The following PALM2AKAP2 variants were observed in gnomAD, a reference collection of about 807,000 sequenced individuals.
The protein encoded by PALM2AKAP2 is PALM2-AKAP2 fusion protein.
In PALM2AKAP2, 37 loss-of-function variants were observed where a neutral mutation model predicts 71.5. The observed-to-expected ratio is 0.52, with a 90% CI of 0.40 to 0.68. The LOEUF is 0.68. Ranked by LOEUF, PALM2AKAP2 falls within the 30% of genes least tolerant of loss-of-function variation. The probability of loss-of-function intolerance (pLI) is 0.00; values close to 1 mark genes in which losing one functional copy is unlikely to be tolerated. For missense variants in PALM2AKAP2, 1,224 were observed against 1,191.8 expected (o/e 1.03, Z -0.40); for synonymous variants, 468 against 478.8 (o/e 0.98, Z 0.29).
chr9:109,680,788 C>T (rs143247477), intron 1 of PALM2AKAP2, among the ~76,000 whole-genome samples: 5 of 152,160 alleles, frequency 3.3e-5, no homozygotes, highest in South Asian at 4.1e-4. Context: ...CTGTGGTTTC[C>T]GTTGGTGACA....
chr9:109,892,507 T>C (rs1830111233), intron 3 of PALM2AKAP2, among the ~76,000 whole-genome samples: 1 of 152,240 alleles, frequency 6.6e-6, no homozygotes, highest in Admixed American at 6.5e-5. Context: ...CAGTGTACTA[T>C]ATCTGAGTGC....
intron 1 of PALM2AKAP2, among the ~76,000 whole-genome samples, chr9:109,656,283 G>T (rs1242888550): frequency 2.6e-5 from 4 of 152,186 alleles, no homozygotes; most frequent in Non-Finnish European, 4.4e-5. Context: ...TGCTGGGGGA[G>T]AAGAGGTCAG....
chr9:109,686,032 G>A (rs772458194), intron 1 of PALM2AKAP2, among the ~76,000 whole-genome samples: 4 of 152,164 alleles, frequency 2.6e-5, no homozygotes, highest in Admixed American at 1.3e-4. Flanking sequence ...TTTGTAAGAA[G>A]CAACTCTCTG....
At chr9:110,135,268 C>T (rs1835833947) in intron 1 of PALM2AKAP2, among the ~76,000 whole-genome samples, 1 of 116,014 alleles carries the variant, frequency 8.6e-6, no homozygotes. Flanking sequence ...ACACTGCACT[C>T]CAGCCTGGGC....
At chr9:109,968,295 T>G (rs1831995498) in intron 6 of PALM2AKAP2, among the ~76,000 whole-genome samples, 1 of 152,208 alleles carries the variant, frequency 6.6e-6, no homozygotes, top group Admixed American at 6.5e-5. Context: ...GTGGAAGGCC[T>G]GGATCTGCTG....
chr9:109,656,602 G>A (rs1365030468), intron 1 of PALM2AKAP2, among the ~76,000 whole-genome samples: 2 of 152,158 alleles, frequency 1.3e-5, no homozygotes, highest in African/African-American at 2.4e-5. Flanking sequence ...TTTAAGCAGA[G>A]GAGTTACACA....
intron 3 of PALM2AKAP2, among the ~76,000 whole-genome samples, chr9:109,911,894 C>A (rs1427250346): frequency 6.6e-6 from 1 of 152,096 alleles, no homozygotes; most frequent in Non-Finnish European, 1.5e-5. Context: ...TTTTAACACT[C>A]TAATACAAGG....
intron 1 of PALM2AKAP2, among the ~76,000 whole-genome samples, chr9:110,065,872 A>G (rs1016346758): frequency 6.6e-6 from 1 of 152,196 alleles, no homozygotes; most frequent in Non-Finnish European, 1.5e-5. Context: ...ATGTTATAGC[A>G]TGTGTCACAA....
At chr9:110,101,933 C>T (rs1835010683) in intron 1 of PALM2AKAP2, among the ~76,000 whole-genome samples, 1 of 152,230 alleles carries the variant, frequency 6.6e-6, no homozygotes, top group Admixed American at 6.5e-5. Context: ...CTGCCACCAC[C>T]AATGCGTCTA....
intron 1 of PALM2AKAP2, among the ~76,000 whole-genome samples, chr9:109,854,761 A>ATTTTT (rs1241433258): frequency 3.0e-5 from 2 of 65,764 alleles, no homozygotes; most frequent in African/African-American, 5.4e-5. Flanking sequence ...AAAAGAATGT[A>ATTTTT]TCTTTTTTTT....
intron 1 of PALM2AKAP2, among the ~76,000 whole-genome samples, chr9:109,684,187 G>T (rs1827776757): frequency 6.6e-6 from 1 of 152,104 alleles, no homozygotes; most frequent in African/African-American, 2.4e-5. Flanking sequence ...CTGATACATG[G>T]GCTCTGCCCT....
chr9:109,821,097 G>T (rs1004791924), intron 1 of PALM2AKAP2, among the ~76,000 whole-genome samples: 1 of 152,142 alleles, frequency 6.6e-6, no homozygotes, highest in Non-Finnish European at 1.5e-5. Flanking sequence ...CCCATACCAG[G>T]CATGGGTTCC....
chr9:110,134,448 G>C (rs960032074), intron 1 of PALM2AKAP2, among the ~76,000 whole-genome samples: 5 of 152,138 alleles, frequency 3.3e-5, no homozygotes, highest in Admixed American at 3.3e-4. Context: ...TGACAAAAGA[G>C]GAACACTCAT....
intron 1 of PALM2AKAP2, among the ~76,000 whole-genome samples, chr9:109,783,277 G>A (rs1012590339): frequency 2.6e-5 from 4 of 151,808 alleles, no homozygotes; most frequent in African/African-American, 4.8e-5. Context: ...CTTGTCCTGT[G>A]GGGGGTCAGA....
At chr9:109,676,616 G>C (rs921889136) in intron 1 of PALM2AKAP2, among the ~76,000 whole-genome samples, 1 of 152,112 alleles carries the variant, frequency 6.6e-6, no homozygotes, top group African/African-American at 2.4e-5. Context: ...TGTCATAGTT[G>C]AAACCATGGA....
At chr9:109,656,994 T>C (rs1451462988) in intron 1 of PALM2AKAP2, among the ~76,000 whole-genome samples, 1 of 152,262 alleles carries the variant, frequency 6.6e-6, no homozygotes, top group Non-Finnish European at 1.5e-5. Context: ...AGCTGTATGA[T>C]GTTCACCTTG....
intron 3 of PALM2AKAP2, among the ~76,000 whole-genome samples, chr9:109,908,983 G>T (rs1830510551): frequency 6.6e-6 from 1 of 152,218 alleles, no homozygotes; most frequent in Admixed American, 6.5e-5. Context: ...GATGCTTCCT[G>T]CATGAAGGGG....
intron 3 of PALM2AKAP2, among the ~76,000 whole-genome samples, chr9:109,890,464 G>A (rs1369322503): frequency 6.6e-6 from 1 of 152,172 alleles, no homozygotes; most frequent in Non-Finnish European, 1.5e-5. Flanking sequence ...TCTGATTATG[G>A]GATTTTGGCT....
In PALM2AKAP2 at chr9:109,835,569, A is replaced by G. The variant is rs140675865; in HGVS notation, c.46-31922A>G. On this transcript the variant is annotated intron_variant, in intron 1 of 9. Transcript: ENST00000302798. ...GTGCAGCACATTGAGCATTAGCCAA[A>G]GCAGGGCGAGGCATCGCCTCACCCA... 8.9e-3 allele frequency among the ~76,000 whole-genome samples: 1,359 copies of G among 152,290 alleles called. 22 individuals carry two copies. The highest frequency in any genetic ancestry group is 0.03 in the African/African-American group (1,227 of 41,538).
Sources: gnomAD v4.1 joint callset for allele counts (sites outside exome capture counted in the v4.1 genomes callset) on GRCh38, gnomAD v4.1.1 for gene constraint, MANE v1.5 for transcripts, NCBI Gene and HGNC (gene_info 2026-07-23, HGNC 2026-07-21) for gene names.